ABCG2: variants seen among roughly 807,000 people sequenced by gnomAD.
ABCG2 encodes the protein broad substrate specificity ATP-binding cassette transporter ABCG2.
In ABCG2, 80 loss-of-function variants were observed where a neutral mutation model predicts 73.5. The observed-to-expected ratio is 1.09, with a 90% CI of 0.91 to 1.31. The LOEUF is 1.31. Ranked by LOEUF, ABCG2 falls within the 50% of genes most tolerant of loss-of-function variation. ABCG2 has a pLI of 0.00. For synonymous variants in ABCG2, 269 were observed against 282.4 expected, an observed-to-expected ratio of 0.95 and a Z score of 0.48; for missense variants, 796 against 786.2, an observed-to-expected ratio of 1.01 and a Z score of -0.15.
intron 1 of ABCG2, among the ~76,000 whole-genome samples, chr4:88,184,377 A>G (rs1728369532): frequency 6.6e-6 from 1 of 152,228 alleles, no homozygotes; most frequent in African/African-American, 2.4e-5. Flanking sequence ...CAAAATCAAC[A>G]TACAAAAAAT....
At chr4:88,197,723 C>T (rs1005242860) in intron 1 of ABCG2, among the ~76,000 whole-genome samples, 12 of 151,920 alleles carry the variant, frequency 7.9e-5, no homozygotes, top group African/African-American at 2.9e-4. Flanking sequence ...GTGGATCAGT[C>T]GGGACCTGGG....
intron 5 of ABCG2, among the ~76,000 whole-genome samples, chr4:88,122,776 A>G (rs940433275): frequency 1.3e-5 from 2 of 152,206 alleles, no homozygotes; most frequent in African/African-American, 4.8e-5. Context: ...GGCTTTGAAG[A>G]CAGCAGTGAA....
rs1729854781 is a variant in ABCG2 at position 88,217,453 on chromosome 4, G to C, written c.-20+13541C>G. ...AGGTGAGCAGATCACTTGAGGTCAG[G>C]TGTTCAAGACCAGCCTGGCCAATAT... On this transcript the variant is annotated intron_variant, in intron 1 of 15. Transcript: ENST00000515655. Among the ~76,000 whole-genome samples, 5 of 152,268 alleles carry C rather than the reference G, an allele frequency of 3.3e-5. No homozygotes were observed. The South Asian group carries it at 1.0e-3, about 32-fold the overall frequency.
intron 1 of ABCG2, among the ~76,000 whole-genome samples, chr4:88,193,417 G>A (rs1728787213): frequency 6.6e-6 from 1 of 152,050 alleles, no homozygotes; most frequent in Non-Finnish European, 1.5e-5. Context: ...CAAGGTTTTT[G>A]TGCTAAAAAT....
At chr4:88,164,704 A>C (rs1253540228) in intron 1 of ABCG2, among the ~76,000 whole-genome samples, 1 of 152,214 alleles carries the variant, frequency 6.6e-6, no homozygotes, top group Non-Finnish European at 1.5e-5. Flanking sequence ...CTAATACAGA[A>C]ACTTTTTAAA....
intron 9 of ABCG2, among the ~76,000 whole-genome samples, chr4:88,112,839 G>C (rs1723232369): frequency 6.6e-6 from 1 of 152,166 alleles, no homozygotes; most frequent in Non-Finnish European, 1.5e-5. Flanking sequence ...GCCAGATGTG[G>C]TGGCTCACAC....
intron 1 of ABCG2, among the ~76,000 whole-genome samples, chr4:88,184,670 T>C (rs1222918436): frequency 1.3e-5 from 2 of 152,130 alleles, no homozygotes; most frequent in Non-Finnish European, 2.9e-5. Flanking sequence ...AAAATACCAA[T>C]GGCATTCATC....
intron 9 of ABCG2, among the ~76,000 whole-genome samples, chr4:88,108,565 A>G (rs79213345): frequency 0.041 from 6,308 of 152,304 alleles, 354 homozygotes; most frequent in East Asian, 0.16. Context: ...GAATAAAAAA[A>G]TAAGAAATGG....
At chr4:88,114,398 G>A (rs753701175) in intron 8 of ABCG2, among the ~76,000 whole-genome samples, 19 of 152,074 alleles carry the variant, frequency 1.2e-4, no homozygotes, top group Admixed American at 2.0e-4. Flanking sequence ...AGGCCAAGGC[G>A]GGAGGATCAC....
chr4:88,158,806 G>A (rs944796635), upstream of ABCG2: 2 of 338,098 alleles, frequency 5.9e-6, no homozygotes, highest in Non-Finnish European at 1.1e-5. Flanking sequence ...GAGCCGGCGG[G>A]TGGCCGCCTG....
At chr4:88,150,344 C>G (rs1726371421) in intron 1 of ABCG2, among the ~76,000 whole-genome samples, 1 of 152,248 alleles carries the variant, frequency 6.6e-6, no homozygotes, top group Non-Finnish European at 1.5e-5. Flanking sequence ...TCAAGCAGAG[C>G]TCTGAGGGTG....
chr4:88,144,793 T>C (rs562431122), intron 1 of ABCG2, among the ~76,000 whole-genome samples: 1 of 152,262 alleles, frequency 6.6e-6, no homozygotes, highest in African/African-American at 2.4e-5. Flanking sequence ...CCATTTGTCT[T>C]CAATATATGC....
rs754266792 is a variant in ABCG2, at chr4:88,101,254, A to T, written c.1343T>A (p.Phe448Tyr). The part of the protein sequence containing the change: ...CFSSVSAVEL[F>Y]VVEKKLFIHE... ...CATGAAGAGCTTCTTCTCTACCACA[A>T]AGAGTTCCACGGCTGAAACACTGCT... The change falls in exon 11 of 16, where the codon TTT (phenylalanine) becomes TAT (tyrosine). Residue 448 changes from phenylalanine to tyrosine, a missense_variant. By Grantham distance (22) the Phe-to-Tyr change is conservative. Coordinates refer to ENST00000237612, the MANE Select transcript of ABCG2 (RefSeq NM_004827.3). The T allele has an allele frequency of 6.8e-6, 11 of 1,614,064 alleles. No homozygotes were observed. The Admixed American group carries it at 1.8e-4, about 27-fold the overall frequency.
In ABCG2 at chr4:88,139,809, T is replaced by C. The variant is rs1354560892; in HGVS notation, c.187A>G (p.Ile63Val). ...LPCRKPVEKE[I>V]LSNINGIMKP... ...TGTACATACTTGATATTCGATAATA[T>C]TTCTTTCTCAACTGGTTTTCGACAA... Residue 63 changes from isoleucine to valine, a missense_variant, in exon 2 of 16, where the codon ATA becomes GTA. Physicochemically the swap from Ile to Val is conservative, Grantham distance 29. Transcript: ENST00000237612. 2 of 1,613,376 alleles carry C rather than the reference T, an allele frequency of 1.2e-6. No individual in the cohort carries two copies. Among genetic ancestry groups the C allele is most frequent in the African/African-American group, 1.3e-5 (1 of 74,920 alleles).
At chr4:88,186,450 T>C (rs572179179) in intron 1 of ABCG2, among the ~76,000 whole-genome samples, 8 of 152,112 alleles carry the variant, frequency 5.3e-5, no homozygotes, top group Admixed American at 3.9e-4. Context: ...CTGGGCAACA[T>C]AGTGAGACCC....
chr4:88,206,859 A>G (rs1729399648), intron 1 of ABCG2, among the ~76,000 whole-genome samples: 1 of 152,158 alleles, frequency 6.6e-6, no homozygotes, highest in Non-Finnish European at 1.5e-5. Flanking sequence ...CAGAGCGCTG[A>G]TTGGTGCATT....
At chr4:88,201,633 C>A (rs1261472825) in intron 1 of ABCG2, 1 of 152,100 alleles carries the variant, frequency 6.6e-6, no homozygotes, top group Non-Finnish European at 1.5e-5. Flanking sequence ...TTCCTAACTC[C>A]CTAGCTACTC....
intron 1 of ABCG2, among the ~76,000 whole-genome samples, chr4:88,212,140 G>A (rs1729627926): frequency 6.6e-6 from 1 of 152,160 alleles, no homozygotes; most frequent in Non-Finnish European, 1.5e-5. Context: ...GTAATCATTT[G>A]CTGGACTCTG....
At chr4:88,121,563 C>T in intron 6 of ABCG2, 72 bp downstream of exon 6, 2 of 1,411,606 alleles carry the variant, frequency 1.4e-6, no homozygotes, top group Non-Finnish European at 9.6e-7. Flanking sequence ...TCTGAACCCC[C>T]TGCCCCAAGA....
Sources: allele counts gnomAD v4.1 joint callset (sites outside exome capture counted in the v4.1 genomes callset), GRCh38; gene constraint gnomAD v4.1.1; transcripts MANE v1.5; gene names NCBI Gene and HGNC (gene_info 2026-07-23, HGNC 2026-07-21).